The following ZNF804B variants were observed in gnomAD, a reference collection of about 807,000 sequenced individuals.
ZNF804B encodes zinc finger protein 804B.
ZNF804B carries 80 observed loss-of-function variants against 101.4 expected under a neutral mutation model. The ratio of observed to expected loss-of-function variants is 0.79; its 90% CI spans 0.66 to 0.95. The LOEUF (loss-of-function observed/expected upper bound fraction) is 0.95, where lower values mean the gene tolerates loss of function less well. ZNF804B is among the 40% of genes least tolerant of loss of function. The probability of loss-of-function intolerance (pLI) is 0.00; values close to 1 mark genes in which losing one functional copy is unlikely to be tolerated. For synonymous variants in ZNF804B, 622 were observed against 558.8 expected (o/e 1.11, Z -1.59); for missense variants, 1,673 against 1,561.9 (o/e 1.07, Z -1.20).
rs539942384 is a variant in ZNF804B, at chr7:89,318,793, C to T, written c.250-8551C>T. On this transcript the variant is annotated intron_variant, in intron 2 of 3. Coordinates refer to ENST00000333190, the MANE Select transcript of ZNF804B (RefSeq NM_181646.5). ...CAGCTCATTCGGAGAGACTCTAACC[C>T]AGCGGCGCTAGAGGAATTAAAGACA... Among the ~76,000 whole-genome samples the T allele has an allele frequency of 1.1e-4, 16 of 152,172 alleles. No individual in the cohort carries two copies. In the South Asian group the frequency reaches 2.5e-3, roughly 24 times the overall value.
At chr7:88,936,898 T>C (rs1372243816) in intron 1 of ZNF804B, among the ~76,000 whole-genome samples, 1 of 152,054 alleles carries the variant, frequency 6.6e-6, no homozygotes, top group East Asian at 1.9e-4. Flanking sequence ...TGTGGAGCGT[T>C]GCTCTCTTGA....
At chr7:89,028,011 G>C (rs1385551163) in intron 1 of ZNF804B, among the ~76,000 whole-genome samples, 1 of 152,074 alleles carries the variant, frequency 6.6e-6, no homozygotes, top group Non-Finnish European at 1.5e-5. Context: ...GTTTGTTCTT[G>C]CTTGTCTAAT....
At chr7:89,148,887 C>A (rs1165166631) in intron 1 of ZNF804B, among the ~76,000 whole-genome samples, 1 of 151,892 alleles carries the variant, frequency 6.6e-6, no homozygotes, top group African/African-American at 2.4e-5. Context: ...ATTTTTATTT[C>A]TTTTCTTTCT....
chr7:88,876,849 A>G (rs1321683642), intron 1 of ZNF804B, among the ~76,000 whole-genome samples: 1 of 151,138 alleles, frequency 6.6e-6, no homozygotes, highest in East Asian at 1.9e-4. Flanking sequence ...AGAAATGTTA[A>G]TAAAATATAC....
intron 1 of ZNF804B, among the ~76,000 whole-genome samples, chr7:88,974,507 C>T (rs954228308): frequency 2.0e-5 from 3 of 150,794 alleles, no homozygotes; most frequent in Admixed American, 1.3e-4. Context: ...TTATCTGGCC[C>T]TTAGAAAAAT....
chr7:89,031,668 T>G (rs1344553710), intron 1 of ZNF804B, among the ~76,000 whole-genome samples: 1 of 151,376 alleles, frequency 6.6e-6, no homozygotes, highest in East Asian at 1.9e-4. Flanking sequence ...TTTGTTTTTT[T>G]TTTTTTCCCA....
intron 1 of ZNF804B, among the ~76,000 whole-genome samples, chr7:88,930,243 G>T (rs1299237969): frequency 6.6e-6 from 1 of 151,872 alleles, no homozygotes; most frequent in Non-Finnish European, 1.5e-5. Flanking sequence ...AGCAGAAAGA[G>T]AAATTTATTT....
chr7:89,230,358 TAA>T (rs1789172453), intron 2 of ZNF804B, among the ~76,000 whole-genome samples: 1 of 151,826 alleles, frequency 6.6e-6, no homozygotes, highest in Admixed American at 6.6e-5. Context: ...AGAAATAGTA[TAA>T]GTGACTCTGT....
At chr7:88,986,260 A>C (rs1469387624) in intron 1 of ZNF804B, among the ~76,000 whole-genome samples, 1 of 152,006 alleles carries the variant, frequency 6.6e-6, no homozygotes, top group Non-Finnish European at 1.5e-5. Context: ...CATACTTCCA[A>C]CCTCTTCAAA....
chr7:88,774,155 T>C (rs947756930), intron 1 of ZNF804B, among the ~76,000 whole-genome samples: 4 of 152,012 alleles, frequency 2.6e-5, no homozygotes, highest in Admixed American at 2.6e-4. Flanking sequence ...TATACAATTC[T>C]AAATTTTTAT....
chr7:89,005,941 A>G (rs1275492801), intron 1 of ZNF804B, among the ~76,000 whole-genome samples: 2 of 152,144 alleles, frequency 1.3e-5, no homozygotes, highest in African/African-American at 4.8e-5. Context: ...AGAAGAAAGG[A>G]GAAGATGGGA....
At chr7:89,266,877 T>TTGTGTGTGTGTGTGTGTGTGTGTGTGTG (rs66604616) in intron 2 of ZNF804B, among the ~76,000 whole-genome samples, 27 of 150,982 alleles carry the variant, frequency 1.8e-4, no homozygotes, top group African/African-American at 6.1e-4. Flanking sequence ...GTGTCTGTGT[T>TTGTGTGTGTGTGTGTGTGTGTGTGTGTG]TGTGTGTGTG....
chr7:89,281,410 G>T (rs996758663), intron 2 of ZNF804B, among the ~76,000 whole-genome samples: 1 of 152,034 alleles, frequency 6.6e-6, no homozygotes, highest in Admixed American at 6.6e-5. Flanking sequence ...GAACCCATAA[G>T]AAATTATATG....
At chr7:89,197,038 A>G (rs1788564310) in intron 1 of ZNF804B, among the ~76,000 whole-genome samples, 1 of 151,970 alleles carries the variant, frequency 6.6e-6, no homozygotes, top group Non-Finnish European at 1.5e-5. Flanking sequence ...AATTAGTTCA[A>G]CCATTATGGG....
intron 2 of ZNF804B, among the ~76,000 whole-genome samples, chr7:89,293,620 T>TA: frequency 6.6e-6 from 1 of 151,808 alleles, no homozygotes; most frequent in Non-Finnish European, 1.5e-5. Flanking sequence ...CCATCTCTAC[T>TA]AAAAATACAA....
rs1387139586 is a variant in ZNF804B, at chr7:89,336,244, T to C, written c.3262T>C (p.Ser1088Pro). The C allele has an allele frequency of 4.3e-6, 7 of 1,613,750 alleles. No individual in the cohort carries two copies. The African/African-American group carries it at 5.3e-5, about 12-fold the overall frequency. ...TAATAAATATACTGGTGTGACTGAT[T>C]CAACAGAGACCCAAGAAGACCAAAT... The part of the protein sequence containing the change: ...PSNKYTGVTD[S>P]TETQEDQINL... The change falls in exon 4 of 4, where the codon TCA (serine) becomes CCA (proline). Residue 1088 changes from serine to proline, a missense_variant. Ser to Pro is a moderately conservative substitution (Grantham distance 74, BLOSUM62 -1). Coordinates refer to ENST00000333190, the MANE Select transcript of ZNF804B (RefSeq NM_181646.5).
chr7:88,962,241 T>C (rs1450487415), intron 1 of ZNF804B, among the ~76,000 whole-genome samples: 1 of 151,294 alleles, frequency 6.6e-6, no homozygotes, highest in Non-Finnish European at 1.5e-5. Flanking sequence ...TTTATACTGG[T>C]AAATTATGGT....
chr7:89,290,632 G>C (rs747665997), intron 2 of ZNF804B, among the ~76,000 whole-genome samples: 5 of 152,226 alleles, frequency 3.3e-5, no homozygotes, highest in Middle Eastern at 3.4e-3. Context: ...GGTAGTAGAG[G>C]CTCCTTTGAC....
intron 1 of ZNF804B, among the ~76,000 whole-genome samples, chr7:88,791,851 A>G (rs981108935): frequency 2.6e-5 from 4 of 152,118 alleles, no homozygotes; most frequent in African/African-American, 9.7e-5. Flanking sequence ...AATAATCACT[A>G]ATGTTCACAG....
Sources: allele counts gnomAD v4.1 joint callset (sites outside exome capture counted in the v4.1 genomes callset), GRCh38; gene constraint gnomAD v4.1.1; transcripts MANE v1.5; gene names NCBI Gene and HGNC (gene_info 2026-07-23, HGNC 2026-07-21).